The following PPM1H variants were observed in gnomAD, a reference collection of about 807,000 sequenced individuals.
PPM1H encodes the protein protein phosphatase 1H.
PPM1H carries 27 observed loss-of-function variants against 54.9 expected under a neutral mutation model. The ratio of observed to expected loss-of-function variants is 0.49; its 90% CI spans 0.36 to 0.68. The LOEUF is 0.68. Among genes scored for constraint, PPM1H ranks in the 30% least tolerant of loss-of-function variants. The probability of loss-of-function intolerance (pLI) is 0.00; values close to 1 mark genes in which losing one functional copy is unlikely to be tolerated. For missense variants in PPM1H, 596 were observed against 667.8 expected (o/e 0.89, Z 1.19); for synonymous variants, 305 against 270.8 (o/e 1.13, Z -1.24).
chr12:62,814,742 C>T (rs1448133415), intron 2 of PPM1H, among the ~76,000 whole-genome samples: 1 of 152,176 alleles, frequency 6.6e-6, no homozygotes, highest in Non-Finnish European at 1.5e-5. Flanking sequence ...CTTTGAGTGA[C>T]ATCTCATCGT....
chr12:62,817,455 C>T (rs1245408990), intron 2 of PPM1H, among the ~76,000 whole-genome samples: 4 of 147,344 alleles, frequency 2.7e-5, no homozygotes, highest in Non-Finnish European at 4.4e-5. Context: ...GAGAGAGACC[C>T]TGTCTCAAAA....
At chr12:62,702,917 G>A (rs745690280) in intron 6 of PPM1H, among the ~76,000 whole-genome samples, 8 of 152,274 alleles carry the variant, frequency 5.3e-5, no homozygotes, top group East Asian at 1.9e-4. Context: ...CATCTCAATC[G>A]TCATGTGAAC....
intron 4 of PPM1H, among the ~76,000 whole-genome samples, chr12:62,758,455 C>T (rs2076488158): frequency 6.6e-6 from 1 of 152,078 alleles, no homozygotes; most frequent in Non-Finnish European, 1.5e-5. Context: ...AAATTGTTTT[C>T]ACAAGTCAAA....
At chr12:62,917,392 T>C (rs926656345) in intron 1 of PPM1H, among the ~76,000 whole-genome samples, 1 of 152,210 alleles carries the variant, frequency 6.6e-6, no homozygotes, top group African/African-American at 2.4e-5. Context: ...CTTTTTTTCC[T>C]GGAAGGGTCA....
chr12:62,761,275 A>G (rs1242198427), intron 4 of PPM1H, among the ~76,000 whole-genome samples: 1 of 152,232 alleles, frequency 6.6e-6, no homozygotes, highest in African/African-American at 2.4e-5. Flanking sequence ...AAATGTTTAG[A>G]TTATTTTCCA....
At chr12:62,786,530 C>T (rs1268105532) in intron 4 of PPM1H, among the ~76,000 whole-genome samples, 2 of 152,218 alleles carry the variant, frequency 1.3e-5, no homozygotes, top group Admixed American at 6.5e-5. Context: ...AGCATATCTT[C>T]TCCCATTCCT....
intron 3 of PPM1H, among the ~76,000 whole-genome samples, chr12:62,791,235 T>A (rs1272372247): frequency 1.3e-5 from 2 of 152,112 alleles, no homozygotes; most frequent in Non-Finnish European, 2.9e-5. Flanking sequence ...CTGCCAAGAA[T>A]GGTTATCAGA....
At chr12:62,894,782 C>T (rs924693669) in intron 1 of PPM1H, among the ~76,000 whole-genome samples, 43 of 152,146 alleles carry the variant, frequency 2.8e-4, no homozygotes, top group African/African-American at 1.0e-3. Flanking sequence ...CTTTAATCTC[C>T]ACATGTTGGG....
At chr12:62,767,716 T>G (rs1259927254) in intron 4 of PPM1H, among the ~76,000 whole-genome samples, 8 of 152,174 alleles carry the variant, frequency 5.3e-5, no homozygotes, top group Non-Finnish European at 1.0e-4. Context: ...AGAAAATGAC[T>G]TCTCTCACAG....
Position 62,844,770 on chromosome 12 carries a change from A to C in PPM1H, c.246-12491T>G, listed in dbSNP as rs921959418. Among the ~76,000 whole-genome samples, 5 of 152,230 alleles carry C rather than the reference A, an allele frequency of 3.3e-5. No homozygotes were observed. Among genetic ancestry groups the C allele is most frequent in the Non-Finnish European group, 7.3e-5 (5 of 68,034 alleles). ...ATTGAATGAATAAACAAATGAACTC[A>C]TTTTGCCATAACACCCCATGGGAGA... On this transcript the variant is annotated intron_variant, in intron 1 of 9. Transcript: ENST00000228705. This position sits in a 1 kb window ranked among gnomAD's most constrained non-coding sequence, Gnocchi z 5.2.
intron 8 of PPM1H, among the ~76,000 whole-genome samples, chr12:62,687,751 G>A (rs1392819496): frequency 6.6e-6 from 1 of 152,118 alleles, no homozygotes; most frequent in East Asian, 1.9e-4. Context: ...GCTGATGCCT[G>A]CAATCCCAGC....
At chr12:62,692,964 C>CACACAA (rs2076091484) in intron 7 of PPM1H, among the ~76,000 whole-genome samples, 3 of 150,924 alleles carry the variant, frequency 2.0e-5, no homozygotes. Flanking sequence ...CACACACACA[C>CACACAA]TCTGCCCATG....
At chr12:62,877,937 G>A (rs754964692) in intron 1 of PPM1H, among the ~76,000 whole-genome samples, 2 of 152,100 alleles carry the variant, frequency 1.3e-5, no homozygotes, top group Non-Finnish European at 2.9e-5. Context: ...TCGCTCTATC[G>A]TCCAGGCTGG....
intron 8 of PPM1H, among the ~76,000 whole-genome samples, chr12:62,688,008 CAA>C (rs57922128): frequency 1.5e-4 from 14 of 95,272 alleles, no homozygotes; most frequent in Admixed American, 4.4e-4. Context: ...GACTCCATCT[CAA>C]AAAAAAAAAA....
intron 1 of PPM1H, among the ~76,000 whole-genome samples, chr12:62,926,957 AAAC>A (rs535652249): frequency 6.1e-4 from 93 of 152,330 alleles, no homozygotes; most frequent in Middle Eastern, 3.4e-3. Flanking sequence ...CTGTCTCAAA[AAAC>A]AACAACAACA....
chr12:62,876,536 G>C (rs1340517979), intron 1 of PPM1H, among the ~76,000 whole-genome samples: 1 of 152,188 alleles, frequency 6.6e-6, no homozygotes, highest in Non-Finnish European at 1.5e-5. Context: ...CATGACACAC[G>C]AGGATGTTCA....
intron 2 of PPM1H, among the ~76,000 whole-genome samples, chr12:62,818,370 T>C (rs2076882970): frequency 6.6e-6 from 1 of 152,090 alleles, no homozygotes; most frequent in Non-Finnish European, 1.5e-5. Flanking sequence ...AGACTCTTTA[T>C]AACCTTCCAA....
chr12:62,670,123 A>G (rs1082317), intron 8 of PPM1H, among the ~76,000 whole-genome samples: 34,565 of 151,120 alleles, frequency 0.23, 4,216 homozygotes, highest in African/African-American at 0.31. Flanking sequence ...GATTACAGGC[A>G]TGTGCCACCA....
chr12:62,698,299 A>G (rs2076124677), intron 6 of PPM1H, among the ~76,000 whole-genome samples: 1 of 152,216 alleles, frequency 6.6e-6, no homozygotes, highest in Non-Finnish European at 1.5e-5. Context: ...ATGTCAGCCC[A>G]TTCCATTGGA....
Sources: gnomAD v4.1 joint callset for allele counts (sites outside exome capture counted in the v4.1 genomes callset) on GRCh38, gnomAD v4.1.1 for gene constraint, Gnocchi (gnomAD v3.1) non-coding constraint, MANE v1.5 for transcripts, NCBI Gene and HGNC (gene_info 2026-07-23, HGNC 2026-07-21) for gene names.